Variants in COLGALT2 observed in about 807,000 individuals in gnomAD.
COLGALT2 encodes collagen beta(1-O)galactosyltransferase 2, also known as procollagen galactosyltransferase 2.
A neutral mutation model predicts 73.4 loss-of-function variants in COLGALT2; 49 were observed. That is an observed-to-expected ratio of 0.67 (90% CI 0.53 to 0.85). The LOEUF is 0.85. Among genes scored for constraint, COLGALT2 ranks in the 40% least tolerant of loss-of-function variants. The pLI, the probability that COLGALT2 is intolerant of heterozygous loss-of-function variation, is 0.00. For synonymous variants in COLGALT2, 295 were observed against 307.6 expected (o/e 0.96, Z 0.43); for missense variants, 722 against 790.2 (o/e 0.91, Z 1.03).
At chr1:183,973,479 A>G (rs1269647928) in intron 4 of COLGALT2, 137 bp downstream of exon 4, 68 of 1,124,030 alleles carry the variant, frequency 6.0e-5, no homozygotes, top group Non-Finnish European at 8.4e-5. Flanking sequence ...GCCCTTCCTA[A>G]AAAATGCTTG....
chr1:184,034,282 T>TA (rs1457880140), intron 1 of COLGALT2, among the ~76,000 whole-genome samples: 1 of 151,756 alleles, frequency 6.6e-6, no homozygotes, highest in African/African-American at 2.4e-5. Context: ...TATTATCTTT[T>TA]TTTTTTTTTT....
downstream of COLGALT2, chr1:183,929,802 G>T: frequency 6.5e-6 from 1 of 154,540 alleles, no homozygotes; most frequent in Admixed American, 6.3e-5. Context: ...AATACCTTTG[G>T]AAGGGATGTG....
intron 1 of COLGALT2, among the ~76,000 whole-genome samples, chr1:184,025,593 C>T (rs1028759687): frequency 2.0e-5 from 3 of 152,180 alleles, no homozygotes; most frequent in African/African-American, 4.8e-5. Flanking sequence ...GCAGCTGCTG[C>T]TTCTCTACCT....
chr1:183,984,441 G>A (rs1671434256), intron 1 of COLGALT2, among the ~76,000 whole-genome samples: 1 of 152,184 alleles, frequency 6.6e-6, no homozygotes, highest in Admixed American at 6.5e-5. Context: ...ACAGCAAGGA[G>A]AGCTCAGCTC....
At chr1:183,934,455 C>CTT (rs1248681479), downstream of COLGALT2, among the ~76,000 whole-genome samples, 3 of 152,144 alleles carry the variant, frequency 2.0e-5, no homozygotes, top group Non-Finnish European at 2.9e-5. Context: ...ACAGCCGGTT[C>CTT]CCCTGAAATA....
At chr1:184,006,833 G>T (rs760158534) in intron 1 of COLGALT2, among the ~76,000 whole-genome samples, 3 of 152,030 alleles carry the variant, frequency 2.0e-5, no homozygotes, top group Non-Finnish European at 4.4e-5. Flanking sequence ...TTCTAATAAC[G>T]TATTTTCCCT....
intron 1 of COLGALT2, among the ~76,000 whole-genome samples, chr1:184,006,608 T>TAAG (rs1160226541): frequency 6.6e-6 from 1 of 150,438 alleles, no homozygotes; most frequent in Non-Finnish European, 1.5e-5. Context: ...AATAAAATAA[T>TAAG]AATAATAATA....
intron 10 of COLGALT2, among the ~76,000 whole-genome samples, chr1:183,942,083 G>A (rs1442596261): frequency 6.6e-6 from 1 of 151,908 alleles, no homozygotes; most frequent in East Asian, 1.9e-4. Flanking sequence ...TGAGTAGCTG[G>A]GACTACAGGA....
chr1:183,945,521 G>A lies in COLGALT2; in HGVS notation c.1180C>T (p.Leu394=). The A allele has an allele frequency of 6.2e-7, 1 of 1,614,182 alleles. No individual in the cohort carries two copies. Among genetic ancestry groups the A allele is most frequent in the African/African-American group, 1.3e-5 (1 of 75,042 alleles). ...GAATAGGGATCTCGATAGCCAGGCA[G>A]CATTTCAATATTCAGTGCCTTCAGC... is the stretch of plus-strand genomic sequence containing the variant. ...SQLKALNIEM[L]PGYRDPYSSR... Residue 394 remains leucine (L), a synonymous_variant, in exon 9 of 12, where the codon CTG becomes TTG. Transcript: ENST00000361927.
At chr1:184,030,194 T>G (rs1649463795) in intron 1 of COLGALT2, among the ~76,000 whole-genome samples, 2 of 152,200 alleles carry the variant, frequency 1.3e-5, no homozygotes, top group South Asian at 4.1e-4. Context: ...TTTTAAAAAC[T>G]AACAATTTTT....
chr1:183,998,782 G>A (rs555061025), intron 1 of COLGALT2, among the ~76,000 whole-genome samples: 1 of 151,480 alleles, frequency 6.6e-6, no homozygotes, highest in South Asian at 2.1e-4. Flanking sequence ...TATTATTTTT[G>A]TTAGATTTAT....
intron 1 of COLGALT2, among the ~76,000 whole-genome samples, chr1:184,027,214 G>C (rs1358669656): frequency 6.6e-6 from 1 of 152,076 alleles, no homozygotes; most frequent in Admixed American, 6.6e-5. Context: ...GATGGCTTAA[G>C]CATCTGGAAT....
At chr1:184,011,476 C>T (rs1443410444) in intron 1 of COLGALT2, among the ~76,000 whole-genome samples, 1 of 152,204 alleles carries the variant, frequency 6.6e-6, no homozygotes, top group Non-Finnish European at 1.5e-5. Flanking sequence ...CTGCTGAAAA[C>T]CTTTTCCTTG....
At chr1:183,948,301 T>C (rs902493019) in intron 8 of COLGALT2, among the ~76,000 whole-genome samples, 9 of 152,090 alleles carry the variant, frequency 5.9e-5, no homozygotes, top group African/African-American at 1.9e-4. Flanking sequence ...ATATCACTTA[T>C]TAATATAGAT....
At chr1:183,956,504 G>A (rs542082109) in intron 6 of COLGALT2, among the ~76,000 whole-genome samples, 1 of 152,308 alleles carries the variant, frequency 6.6e-6, no homozygotes, top group East Asian at 1.9e-4. Flanking sequence ...AGAGAAAGAA[G>A]CTTAATGTAC....
At chr1:183,930,011 G>A (rs1669805505) in exon 12 of COLGALT2, 1 of 274,318 alleles carries the variant, frequency 3.6e-6, no homozygotes, top group Non-Finnish European at 7.4e-6. Context: ...TCCAGTCACA[G>A]TGATGATAAA....
chr1:183,990,544 A>G (rs1049756966), intron 1 of COLGALT2, among the ~76,000 whole-genome samples: 1 of 152,238 alleles, frequency 6.6e-6, no homozygotes, highest in African/African-American at 2.4e-5. Flanking sequence ...GATATATGAC[A>G]AGGTCTCCAA....
intron 1 of COLGALT2, among the ~76,000 whole-genome samples, chr1:184,023,648 G>GC (rs1250814629): frequency 7.0e-6 from 1 of 143,136 alleles, no homozygotes; most frequent in Non-Finnish European, 1.5e-5. Context: ...TGAGGTGGGG[G>GC]GGGGGGGCGG....
intron 1 of COLGALT2, among the ~76,000 whole-genome samples, chr1:183,994,026 C>CTTTTTTTTT (rs869129633): frequency 1.6e-4 from 11 of 70,034 alleles, no homozygotes; most frequent in Admixed American, 1.9e-4. Context: ...TCTTGTAATT[C>CTTTTTTTTT]TTTTTTTTTT....
Sources: gnomAD v4.1 joint callset for allele counts (sites outside exome capture counted in the v4.1 genomes callset) on GRCh38, gnomAD v4.1.1 for gene constraint, MANE v1.5 for transcripts, NCBI Gene and HGNC (gene_info 2026-07-23, HGNC 2026-07-21) for gene names.